Variants in COL4A4 observed in about 807,000 individuals in gnomAD.
COL4A4 encodes the protein collagen alpha-4(IV) chain.
A neutral mutation model predicts 192.9 loss-of-function variants in COL4A4; 105 were observed. The ratio of observed to expected loss-of-function variants is 0.54; its 90% CI spans 0.46 to 0.64. The LOEUF (loss-of-function observed/expected upper bound fraction) is 0.64. Ranked by LOEUF, COL4A4 falls within the 30% of genes least tolerant of loss-of-function variation. COL4A4 has a pLI of 0.00. For missense variants in COL4A4, 1,967 were observed against 2,169.3 expected, an observed-to-expected ratio of 0.91 and a Z score of 1.85; for synonymous variants, 762 against 769.9, an observed-to-expected ratio of 0.99 and a Z score of 0.17.
the COL4A4 span, among the ~76,000 whole-genome samples, chr2:226,970,463 T>G: frequency 6.6e-6 from 1 of 152,184 alleles, no homozygotes; most frequent in East Asian, 1.9e-4. Context: ...TATCTGTACA[T>G]GAAGCATCCT....
rs2063845758 is a variant in COL4A4, at chr2:227,150,395, GAACCAGTTTGTTGACTCC to G, written c.-101-2829_-101-2812del. Among the ~76,000 whole-genome samples the G allele has an allele frequency of 2.0e-5, 3 of 152,294 alleles. No homozygotes were observed. In the South Asian group the frequency reaches 6.2e-4, roughly 32 times the overall value. On this transcript the variant is annotated intron_variant, in intron 1 of 47. Coordinates refer to ENST00000396625, the MANE Select transcript of COL4A4 (RefSeq NM_000092.5). ...AAAGTCACAAGGCTAGTAAGTGGCAGAACCAGTTTGTTGACTCCAGTGTGTGTCCCTTCTCCCTAGTGA... is the reference window on the plus strand; with the variant it reads ...AAAGTCACAAGGCTAGTAAGTGGCAGAGTGTGTGTCCCTTCTCCCTAGTGA...
chr2:226,984,549 C>T, the COL4A4 span, among the ~76,000 whole-genome samples: 11 of 152,190 alleles, frequency 7.2e-5, no homozygotes, highest in Non-Finnish European at 1.6e-4. Context: ...TGGACTTCAA[C>T]GTATGGATTT....
intron 38 of COL4A4, among the ~76,000 whole-genome samples, chr2:227,032,818 C>A (rs779830464): frequency 6.6e-6 from 1 of 152,212 alleles, no homozygotes. Context: ...TTCCTCTTCC[C>A]CAGGGTCACT....
intron 2 of COL4A4, among the ~76,000 whole-genome samples, chr2:227,145,906 A>G (rs1452554776): frequency 6.6e-6 from 1 of 152,246 alleles, no homozygotes; most frequent in African/African-American, 2.4e-5. Flanking sequence ...CAAATAAATA[A>G]AGAGAAAAAT....
In COL4A4 at chr2:227,020,515, A is replaced by C. The variant is rs142486295; in HGVS notation, c.4216+1533T>G. 3.9e-5 allele frequency among the ~76,000 whole-genome samples: 6 copies of C among 152,366 alleles called. No individual in the cohort carries two copies. The East Asian group carries it at 1.2e-3, about 29-fold the overall frequency. On this transcript the variant is annotated intron_variant, in intron 44 of 47. Transcript: ENST00000396625. ...CCAGGGCTGTTTTGGTCACCACCTA[A>C]GAACGAGTCTGACTCCTGTTGAGAG... is the stretch of plus-strand genomic sequence containing the variant.
chr2:227,088,323 C>T (rs914968297), intron 22 of COL4A4, among the ~76,000 whole-genome samples: 6 of 152,164 alleles, frequency 3.9e-5, no homozygotes, highest in Admixed American at 1.3e-4. Flanking sequence ...GAGGGAGGGA[C>T]CTGGTAGAAG....
intron 26 of COL4A4, among the ~76,000 whole-genome samples, chr2:227,060,717 A>C (rs1285586195): frequency 7.2e-6 from 1 of 138,716 alleles, no homozygotes; most frequent in African/African-American, 2.9e-5. Context: ...TGCAAAAAGT[A>C]ATAGAGAATT....
At chr2:227,112,322 G>A (rs2061260961) in intron 8 of COL4A4, among the ~76,000 whole-genome samples, 1 of 150,930 alleles carries the variant, frequency 6.6e-6, no homozygotes, top group Non-Finnish European at 1.5e-5. Flanking sequence ...AGGCTGGAGT[G>A]CAGTGGCGCC....
At chr2:227,028,119 A>G in intron 41 of COL4A4, 110 bp from the exon 42 acceptor site, 1 of 803,248 alleles carries the variant, frequency 1.2e-6, no homozygotes, top group Non-Finnish European at 2.1e-6. Context: ...AATGCAGGGC[A>G]TAGCTAGCCT....
At chr2:227,163,971 C>G (rs1054891010) in intron 1 of COL4A4, 36 bp downstream of exon 1, 3 of 152,342 alleles carry the variant, frequency 2.0e-5, no homozygotes, top group African/African-American at 7.2e-5. Context: ...TGCCGGGGCC[C>G]CGGGACAGCG....
the COL4A4 span, among the ~76,000 whole-genome samples, chr2:226,990,720 T>G: frequency 6.6e-6 from 1 of 152,178 alleles, no homozygotes; most frequent in African/African-American, 2.4e-5. Context: ...CACAAATCAA[T>G]AAATTTTATG....
At chr2:227,143,908 A>G (rs942002632) in intron 3 of COL4A4, among the ~76,000 whole-genome samples, 9 of 152,246 alleles carry the variant, frequency 5.9e-5, no homozygotes, top group African/African-American at 2.2e-4. Context: ...AGGAGAACAG[A>G]AGGTAATTTT....
At chr2:227,119,062 T>C (rs1381100519) in intron 6 of COL4A4, among the ~76,000 whole-genome samples, 2 of 152,074 alleles carry the variant, frequency 1.3e-5, no homozygotes, top group Non-Finnish European at 2.9e-5. Flanking sequence ...ACCTCTTTTT[T>C]TTTTTCCATT....
chr2:226,970,133 T>A, the COL4A4 span, among the ~76,000 whole-genome samples: 1 of 151,694 alleles, frequency 6.6e-6, no homozygotes, highest in East Asian at 1.9e-4. Flanking sequence ...AAGAATAAAA[T>A]CACATGGCCT....
intron 14 of COL4A4, 103 bp downstream of exon 14, chr2:227,103,041 A>G (rs2060611739): frequency 1.8e-6 from 2 of 1,141,228 alleles, no homozygotes; most frequent in South Asian, 1.3e-5. Flanking sequence ...CTGGTAATAT[A>G]TATTAGCACT....
the COL4A4 span, among the ~76,000 whole-genome samples, chr2:226,994,836 A>G: frequency 6.6e-6 from 1 of 152,224 alleles, no homozygotes; most frequent in South Asian, 2.1e-4. Flanking sequence ...CTTTTCAGTA[A>G]CGATTTCCAC....
chr2:227,041,330 A>C (rs907732030), intron 37 of COL4A4, among the ~76,000 whole-genome samples: 3 of 152,066 alleles, frequency 2.0e-5, no homozygotes, highest in Non-Finnish European at 2.9e-5. Context: ...GAACATCATA[A>C]AAATCATTTG....
Position 227,161,564 on chromosome 2 carries a change from G to A in COL4A4, c.-102+2443C>T, listed in dbSNP as rs141918012. Among the ~76,000 whole-genome samples, 891 of 152,260 alleles carry A rather than the reference G, an allele frequency of 5.9e-3. 14 individuals are homozygous for A. Among genetic ancestry groups the A allele is most frequent in the African/African-American group, 0.019 (795 of 41,534 alleles). ...CACCACCTGTTTGTTTGACAGGTGA[G>A]CCTGTCAAACATTGTTCTAAATGTG... On this transcript the variant is annotated intron_variant, in intron 1 of 47. Transcript: ENST00000396625.
intron 25 of COL4A4, among the ~76,000 whole-genome samples, chr2:227,065,049 G>A (rs1576258413): frequency 1.3e-5 from 2 of 152,252 alleles, no homozygotes; most frequent in African/African-American, 4.8e-5. Context: ...ACGAGCCGAA[G>A]CAGGGCGAGG....
Sources: gnomAD v4.1 joint callset for allele counts (sites outside exome capture counted in the v4.1 genomes callset) on GRCh38, gnomAD v4.1.1 for gene constraint, MANE v1.5 for transcripts, NCBI Gene and HGNC (gene_info 2026-07-23, HGNC 2026-07-21) for gene names.